THADA: variants seen among roughly 807,000 people sequenced by gnomAD.
THADA encodes tRNA (32-2'-O)-methyltransferase regulator THADA.
THADA carries 213 observed loss-of-function variants against 219.8 expected under a neutral mutation model. That is an observed-to-expected ratio of 0.97 (90% confidence interval 0.87 to 1.09). The LOEUF is 1.09. Ranked by LOEUF, THADA falls within the 50% of genes least tolerant of loss-of-function variation. The pLI, the probability that THADA is intolerant of heterozygous loss-of-function variation, is 0.00. For synonymous variants in THADA, 1,018 were observed against 828.9 expected (o/e 1.23, Z -3.92); for missense variants, 2,956 against 2,311.3 (o/e 1.28, Z -5.72).
intron 30 of THADA, among the ~76,000 whole-genome samples, chr2:43,336,349 G>C (rs952715775): frequency 1.3e-5 from 2 of 151,914 alleles, no homozygotes; most frequent in Non-Finnish European, 2.9e-5. Context: ...TCGGCTCACC[G>C]TAAACTCCGC....
At chr2:43,232,996 C>A in intron 36 of THADA, 114 bp from the exon 37 acceptor site, 1 of 1,156,652 alleles carries the variant, frequency 8.6e-7, no homozygotes, top group Non-Finnish European at 1.2e-6. Flanking sequence ...TGCCACCAGC[C>A]TGGCAGGGAA....
intron 29 of THADA, among the ~76,000 whole-genome samples, chr2:43,374,884 C>A (rs1271829389): frequency 6.6e-6 from 1 of 151,948 alleles, no homozygotes; most frequent in Non-Finnish European, 1.5e-5. Flanking sequence ...TATTGTAAAG[C>A]TACTATGAGC....
chr2:43,530,709 T>C (rs1693759644), intron 21 of THADA, among the ~76,000 whole-genome samples: 1 of 152,244 alleles, frequency 6.6e-6, no homozygotes, highest in Non-Finnish European at 1.5e-5. Context: ...CAGTTCATAA[T>C]TTACTCCTTA....
chr2:43,266,637 T>C (rs1011410081), intron 36 of THADA, among the ~76,000 whole-genome samples: 1 of 152,112 alleles, frequency 6.6e-6, no homozygotes, highest in Admixed American at 6.5e-5. Flanking sequence ...TGATCCACTC[T>C]GCTGTGATGG....
At chr2:43,536,778 T>C (rs973522027) in intron 21 of THADA, among the ~76,000 whole-genome samples, 1 of 152,160 alleles carries the variant, frequency 6.6e-6, no homozygotes, top group Admixed American at 6.5e-5. Flanking sequence ...TGAAATGTAC[T>C]ACTAACGCAA....
chr2:43,288,517 A>C (rs1674315752), intron 34 of THADA, among the ~76,000 whole-genome samples: 2 of 152,250 alleles, frequency 1.3e-5, no homozygotes, highest in Non-Finnish European at 2.9e-5. Context: ...TACAAAGATG[A>C]GAATCTAGAT....
intron 36 of THADA, among the ~76,000 whole-genome samples, chr2:43,251,217 G>C (rs1292860564): frequency 6.6e-6 from 1 of 152,202 alleles, no homozygotes; most frequent in African/African-American, 2.4e-5. Flanking sequence ...AGAGAGCAGA[G>C]ATCAGATCAG....
At chr2:43,528,613 C>T (rs1396224132) in intron 21 of THADA, among the ~76,000 whole-genome samples, 1 of 152,110 alleles carries the variant, frequency 6.6e-6, no homozygotes, top group East Asian at 1.9e-4. Flanking sequence ...AGTCTGGCTC[C>T]AGAGTTGACC....
At chr2:43,388,069 T>C (rs559342138) in intron 29 of THADA, among the ~76,000 whole-genome samples, 9 of 152,316 alleles carry the variant, frequency 5.9e-5, no homozygotes, top group South Asian at 2.1e-4. Context: ...CTAAGAGCTA[T>C]AGCACAAGTA....
At chr2:43,514,731 T>C (rs1400088234) in intron 22 of THADA, among the ~76,000 whole-genome samples, 1 of 89,410 alleles carries the variant, frequency 1.1e-5, no homozygotes, top group African/African-American at 4.8e-5. Context: ...TTATATATAA[T>C]ATGTATAATA....
At chr2:43,280,984 C>T (rs1219038949) in intron 35 of THADA, among the ~76,000 whole-genome samples, 1 of 152,208 alleles carries the variant, frequency 6.6e-6, no homozygotes, top group Non-Finnish European at 1.5e-5. Context: ...CATGGCCTCC[C>T]AGAAAGGGGT....
rs747941151 is a variant in THADA, at chr2:43,232,864, A to C, written c.5315T>G (p.Val1772Gly). 1.6e-5 allele frequency: 26 copies of C among 1,610,268 alleles called. No individual in the cohort carries two copies. Among genetic ancestry groups the C allele is most frequent in the Non-Finnish European group, 2.2e-5 (26 of 1,178,644 alleles). ...CQSTEFAFCQVDASIALALAL... is the reference protein window; with the variant it reads ...CQSTEFAFCQGDASIALALAL... The stretch of plus-strand genomic sequence containing the variant: ...CAGGGCCAGAGCGATGGAGGCATCC[A>C]CCTGGCAGAAGGCAAACTCTGCAAA... Residue 1772 changes from valine to glycine, a missense_variant, in exon 37 of 38, where the codon GTG becomes GGG. Coordinates refer to ENST00000405975, the MANE Select transcript of THADA (RefSeq NM_022065.5).
At chr2:43,412,392 T>C (rs924715132) in intron 28 of THADA, among the ~76,000 whole-genome samples, 1 of 152,210 alleles carries the variant, frequency 6.6e-6, no homozygotes, top group Non-Finnish European at 1.5e-5. Flanking sequence ...TTTTGGGTGC[T>C]AAAATCTAAT....
chr2:43,518,880 G>A (rs1692059462), intron 22 of THADA, among the ~76,000 whole-genome samples: 1 of 152,028 alleles, frequency 6.6e-6, no homozygotes, highest in African/African-American at 2.4e-5. Context: ...TATTGGGGGA[G>A]TCCCAGGTCA....
At chr2:43,479,489 T>G (rs1299687403) in intron 26 of THADA, among the ~76,000 whole-genome samples, 1 of 151,922 alleles carries the variant, frequency 6.6e-6, no homozygotes, top group Non-Finnish European at 1.5e-5. Context: ...ATGAAAGACA[T>G]AAGCACACAC....
chr2:43,239,325 GCTT>G (rs1668380452), intron 36 of THADA, among the ~76,000 whole-genome samples: 1 of 152,306 alleles, frequency 6.6e-6, no homozygotes, highest in South Asian at 2.1e-4. Flanking sequence ...ACTCCCTGGT[GCTT>G]CTTCTCTGCC....
intron 26 of THADA, among the ~76,000 whole-genome samples, chr2:43,467,700 T>G (rs933087154): frequency 1.3e-5 from 2 of 152,274 alleles, no homozygotes; most frequent in Admixed American, 6.5e-5. Flanking sequence ...TATAAACTGG[T>G]AAATAAGAAA....
At chr2:43,378,210 T>G (rs1671604221) in intron 29 of THADA, among the ~76,000 whole-genome samples, 1 of 152,152 alleles carries the variant, frequency 6.6e-6, no homozygotes, top group Non-Finnish European at 1.5e-5. Flanking sequence ...GAAAATTCCA[T>G]GACAGAATGA....
At chr2:43,272,726 G>A (rs960906412) in intron 36 of THADA, among the ~76,000 whole-genome samples, 1 of 149,220 alleles carries the variant, frequency 6.7e-6, no homozygotes, top group Non-Finnish European at 1.5e-5. Flanking sequence ...CTGGGCTCAA[G>A]TGATCCTCCC....
Sources: gnomAD v4.1 joint callset for allele counts (sites outside exome capture counted in the v4.1 genomes callset) on GRCh38, gnomAD v4.1.1 for gene constraint, MANE v1.5 for transcripts, NCBI Gene and HGNC (gene_info 2026-07-23, HGNC 2026-07-21) for gene names.